Variants in DNAI4 observed in about 807,000 individuals in gnomAD.
The protein encoded by DNAI4 is dynein axonemal intermediate chain 4.
DNAI4 carries 85 observed loss-of-function variants against 105.8 expected under a neutral mutation model. That is an observed-to-expected ratio of 0.80 (90% CI 0.67 to 0.96). The LOEUF (loss-of-function observed/expected upper bound fraction) is 0.96, where lower values mean the gene tolerates loss of function less well. Ranked by LOEUF, DNAI4 falls within the 40% of genes least tolerant of loss-of-function variation. The pLI is 0.00. For missense variants in DNAI4, 1,014 were observed against 1,005.6 expected, an observed-to-expected ratio of 1.01 and a Z score of -0.11; for synonymous variants, 352 against 331.5, an observed-to-expected ratio of 1.06 and a Z score of -0.67.
intron 15 of DNAI4, among the ~76,000 whole-genome samples, chr1:66,822,983 G>A (rs1336175859): frequency 6.6e-6 from 1 of 151,922 alleles, no homozygotes; most frequent in East Asian, 1.9e-4. Flanking sequence ...AGGTATACCT[G>A]TGCCATGCTG....
chr1:66,869,052 G>A (rs1296342882), intron 6 of DNAI4, among the ~76,000 whole-genome samples: 5 of 150,848 alleles, frequency 3.3e-5, no homozygotes, highest in Non-Finnish European at 5.9e-5. Flanking sequence ...CCAGCCTGGC[G>A]ACAGAGTGAG....
intron 6 of DNAI4, among the ~76,000 whole-genome samples, chr1:66,867,172 A>G (rs556254933): frequency 6.6e-6 from 1 of 152,218 alleles, no homozygotes; most frequent in East Asian, 1.9e-4. Context: ...GCAGTGTTCC[A>G]TTACATTCTT....
At position 66,826,972 on chromosome 1, in the gene DNAI4, A is replaced by G; in HGVS notation, c.2187T>C (p.Val729=). Residue 729 remains valine, a synonymous_variant, in exon 15 of 17, where the codon GTT becomes GTC. Transcript: ENST00000371026. The part of the protein sequence containing the change: ...VFLSCSADWG[V]IIWQQENVKP... ...TGACATTCTCCTGTTGCCATATAAT[A>G]ACACCCCAATCTGCAGAACAGCTTA... The G allele has an allele frequency of 6.2e-7, 1 of 1,614,154 alleles. No individual in the cohort carries two copies. The highest frequency in any genetic ancestry group is 1.1e-5 in the South Asian group (1 of 91,080).
chr1:66,822,164 A>G (rs148808729), intron 16 of DNAI4, among the ~76,000 whole-genome samples, 197 bp downstream of exon 16: 11 of 144,628 alleles, frequency 7.6e-5, no homozygotes, highest in African/African-American at 2.5e-4. Flanking sequence ...TATCTTTTAC[A>G]GATAAATAAG....
chr1:66,910,311 G>A (rs1055296153), intron 1 of DNAI4, among the ~76,000 whole-genome samples: 1 of 152,226 alleles, frequency 6.6e-6, no homozygotes. Context: ...CAGAATAAAA[G>A]CCTAAGTCCT....
At chr1:66,847,971 T>C (rs1646313623) in intron 7 of DNAI4, 1 of 365,876 alleles carries the variant, frequency 2.7e-6, no homozygotes, top group South Asian at 2.5e-5. Flanking sequence ...AATAAGATGA[T>C]CAGCCTTCAG....
At chr1:66,903,095 G>T (rs528635084) in intron 2 of DNAI4, among the ~76,000 whole-genome samples, 46 of 152,260 alleles carry the variant, frequency 3.0e-4, no homozygotes, top group Middle Eastern at 6.8e-3. Context: ...CTGGGATTTT[G>T]GAGGGAATGT....
intron 1 of DNAI4, among the ~76,000 whole-genome samples, chr1:66,916,627 C>G (rs1650092415): frequency 6.6e-6 from 1 of 152,128 alleles, no homozygotes; most frequent in African/African-American, 2.4e-5. Flanking sequence ...TCTCTATAAT[C>G]ATTACTGTCA....
intron 7 of DNAI4, among the ~76,000 whole-genome samples, chr1:66,853,001 TA>T (rs1330685553): frequency 6.6e-6 from 1 of 152,178 alleles, no homozygotes; most frequent in African/African-American, 2.4e-5. Context: ...GTCAAGTAGC[TA>T]AAGCCAAGAT....
intron 16 of DNAI4, among the ~76,000 whole-genome samples, chr1:66,814,580 G>C (rs1645477776): frequency 6.6e-6 from 1 of 152,160 alleles, no homozygotes; most frequent in Non-Finnish European, 1.5e-5. Context: ...GTGTTAGCTA[G>C]GATGGTCTCG....
intron 8 of DNAI4, among the ~76,000 whole-genome samples, chr1:66,845,207 A>AAAAT (rs1646249499): frequency 1.2e-4 from 4 of 32,880 alleles, no homozygotes; most frequent in African/African-American, 3.3e-4. Flanking sequence ...AAAAAAAAAA[A>AAAAT]AAGAAAAATT....
At chr1:66,850,774 A>C (rs913207238) in intron 7 of DNAI4, among the ~76,000 whole-genome samples, 6 of 151,944 alleles carry the variant, frequency 3.9e-5, no homozygotes, top group Non-Finnish European at 7.4e-5. Flanking sequence ...AACTGGTAAA[A>C]TGTCAACATC....
intron 4 of DNAI4, among the ~76,000 whole-genome samples, 187 bp from the exon 5 acceptor site, chr1:66,875,124 T>C (rs766857128): frequency 1.3e-5 from 2 of 152,166 alleles, no homozygotes; most frequent in Non-Finnish European, 2.9e-5. Context: ...TTGTAGGCCA[T>C]AAACAGCCTT....
At chr1:66,880,122 T>C (rs184380089) in intron 4 of DNAI4, among the ~76,000 whole-genome samples, 37 of 152,356 alleles carry the variant, frequency 2.4e-4, no homozygotes, top group Admixed American at 2.0e-3. Flanking sequence ...ATCCTTGCCT[T>C]CTGGCATGAT....
At chr1:66,815,098 T>C (rs1366233144) in intron 16 of DNAI4, among the ~76,000 whole-genome samples, 7 of 152,330 alleles carry the variant, frequency 4.6e-5, no homozygotes, top group Admixed American at 2.0e-4. Flanking sequence ...TCCTATTTTT[T>C]AGCCTGTACT....
At chr1:66,893,059 G>GAAAGAAAGAAA (rs780472953) in intron 3 of DNAI4, among the ~76,000 whole-genome samples, 170 bp downstream of exon 3, 1 of 56,496 alleles carries the variant, frequency 1.8e-5, no homozygotes, top group African/African-American at 7.3e-5. Context: ...AAGAAAGAGA[G>GAAAGAAAGAAA]AGAGAGAAAG....
chr1:66,829,784 G>A (rs1482689005), intron 13 of DNAI4, among the ~76,000 whole-genome samples: 1 of 151,972 alleles, frequency 6.6e-6, no homozygotes, highest in East Asian at 1.9e-4. Context: ...AAGTATACAG[G>A]GAATATTTAC....
intron 11 of DNAI4, among the ~76,000 whole-genome samples, 194 bp from the exon 12 acceptor site, chr1:66,834,342 C>G (rs1159843649): frequency 1.3e-5 from 2 of 151,882 alleles, no homozygotes; most frequent in Admixed American, 1.3e-4. Context: ...TTAATACTCA[C>G]TGTTATTTTT....
At chr1:66,867,573 C>T (rs984615770) in intron 6 of DNAI4, among the ~76,000 whole-genome samples, 1 of 151,478 alleles carries the variant, frequency 6.6e-6, no homozygotes, top group Non-Finnish European at 1.5e-5. Flanking sequence ...AAAGAACATT[C>T]TGTTCTTGTT....
Sources: gnomAD v4.1 joint callset for allele counts (sites outside exome capture counted in the v4.1 genomes callset) on GRCh38, gnomAD v4.1.1 for gene constraint, MANE v1.5 for transcripts, NCBI Gene and HGNC (gene_info 2026-07-23, HGNC 2026-07-21) for gene names.